The following XRCC1 variants were observed in gnomAD, a reference collection of about 807,000 sequenced individuals.
XRCC1 encodes the protein X-ray repair cross complementing 1, also known as DNA repair protein XRCC1.
In XRCC1, 52 loss-of-function variants were observed where a neutral mutation model predicts 83.3. The ratio of observed to expected loss-of-function variants is 0.62; its 90% CI spans 0.50 to 0.79. The LOEUF (loss-of-function observed/expected upper bound fraction) is 0.79. Among genes scored for constraint, XRCC1 ranks in the 30% least tolerant of loss-of-function variants. The pLI is 0.00. For synonymous variants in XRCC1, 281 were observed against 312.6 expected (o/e 0.90, Z 1.07); for missense variants, 793 against 823.5 (o/e 0.96, Z 0.45).
chr19:43,561,056 C>T, intron 2 of XRCC1, 36 bp from the exon 3 acceptor site: 4 of 1,524,158 alleles, frequency 2.6e-6, no homozygotes, highest in Non-Finnish European at 3.6e-6. Context: ...TCAGTGCCTG[C>T]TCTGCCTCTG....
chr19:43,557,589 A>G (rs928774997), intron 3 of XRCC1, among the ~76,000 whole-genome samples: 3 of 151,938 alleles, frequency 2.0e-5, no homozygotes, highest in Non-Finnish European at 2.9e-5. Context: ...GGGAAGCTGC[A>G]TTTATCATCT....
chr19:43,559,891 G>A (rs1276031040), intron 3 of XRCC1, among the ~76,000 whole-genome samples: 1 of 151,652 alleles, frequency 6.6e-6, no homozygotes, highest in Non-Finnish European at 1.5e-5. Flanking sequence ...ACCAGCCTGG[G>A]CAACACAGTG....
At chr19:43,556,790 A>T (rs1193947790) in intron 3 of XRCC1, among the ~76,000 whole-genome samples, 1 of 151,640 alleles carries the variant, frequency 6.6e-6, no homozygotes, top group African/African-American at 2.4e-5. Flanking sequence ...GGTGGACAAG[A>T]GGCCAGGAGT....
chr19:43,551,979 G>A, intron 9 of XRCC1, 38 bp downstream of exon 9: 2 of 1,606,968 alleles, frequency 1.2e-6, no homozygotes, highest in Admixed American at 1.7e-5. Flanking sequence ...AGCTGGGGGA[G>A]AAACTGCAGC....
intron 10 of XRCC1, among the ~76,000 whole-genome samples, chr19:43,548,779 A>AAAAAAAACAAAAAAAC (rs1555768469): frequency 2.0e-4 from 28 of 141,740 alleles, no homozygotes; most frequent in African/African-American, 6.1e-4. Flanking sequence ...AAAAAAAAAA[A>AAAAAAAACAAAAAAAC]AAAAAAACAC....
chr19:43,552,093 A>G lies in XRCC1; in HGVS notation c.1006T>C (p.Ser336Pro), dbSNP rs867511814. The change falls in exon 9 of 17, where the codon TCC becomes CCC. Residue 336 changes from serine (S) to proline (P), a missense_variant. Physicochemically the swap from Ser to Pro is moderately conservative, Grantham distance 74. Transcript: ENST00000262887. ...TCTAGGGCCTTATCTCGCAGCTCGG[A>G]GCGGAAGGGGTTCTGGAAGCCACTC... is the stretch of plus-strand genomic sequence containing the variant. ...VLSGFQNPFR[S>P]ELRDKALELG... The G allele has an allele frequency of 1.9e-6, 3 of 1,613,980 alleles. No individual in the cohort carries two copies. Among genetic ancestry groups the G allele is most frequent in the South Asian group, 1.1e-5 (1 of 91,072 alleles).
intron 10 of XRCC1, among the ~76,000 whole-genome samples, chr19:43,549,737 T>C (rs3213378): frequency 0.055 from 8,330 of 150,142 alleles, 313 homozygotes; most frequent in East Asian, 0.12. Flanking sequence ...TTTTCATGTT[T>C]TGTAGGGATG....
chr19:43,562,437 T>C (rs1224700110), intron 2 of XRCC1, among the ~76,000 whole-genome samples: 1 of 145,238 alleles, frequency 6.9e-6, no homozygotes, highest in African/African-American at 2.6e-5. Flanking sequence ...AAAGGGAAGA[T>C]GGTCATTAAC....
At chr19:43,550,255 C>T (rs1972561957) in intron 10 of XRCC1, among the ~76,000 whole-genome samples, 1 of 150,080 alleles carries the variant, frequency 6.7e-6, no homozygotes, top group Non-Finnish European at 1.5e-5. Flanking sequence ...AATATTTCTG[C>T]AGTTAAGACC....
intron 10 of XRCC1, among the ~76,000 whole-genome samples, chr19:43,548,641 G>A (rs1166410224): frequency 6.6e-6 from 1 of 152,088 alleles, no homozygotes; most frequent in Non-Finnish European, 1.5e-5. Context: ...ACTGCGGAAG[G>A]CCGCAGGGTC....
At chr19:43,561,068 G>T in intron 2 of XRCC1, 48 bp from the exon 3 acceptor site, 2 of 1,453,452 alleles carry the variant, frequency 1.4e-6, no homozygotes, top group Non-Finnish European at 1.9e-6. Context: ...CTGCCTCTGG[G>T]CTCACTGTGG....
Position 43,552,211 on chromosome 19 carries a change from T to C in XRCC1, c.888A>G (p.Thr296=). Residue 296 remains threonine, a synonymous_variant, in exon 9 of 17, where the codon ACA becomes ACG. Transcript: ENST00000262887. ...PVPARAQGAV[T]GKPRGEGTEP... is the part of the protein sequence containing the mutation. ...CGGTGCCTTCTCCTCGGGGTTTGCC[T>C]GTCACTGCCCCCTGTGCTCGGGCAG... is the stretch of plus-strand genomic sequence containing the variant. The C allele has an allele frequency of 6.2e-7, 1 of 1,613,820 alleles. No individual in the cohort carries two copies. The highest frequency in any genetic ancestry group is 1.3e-5 in the African/African-American group (1 of 75,002).
intron 2 of XRCC1, among the ~76,000 whole-genome samples, chr19:43,565,646 A>C (rs1972744742): frequency 6.6e-6 from 1 of 152,248 alleles, no homozygotes; most frequent in Non-Finnish European, 1.5e-5. Flanking sequence ...GTATATAAAA[A>C]AAGTCCTGGC....
At chr19:43,565,902 C>T (rs1303958546) in intron 2 of XRCC1, among the ~76,000 whole-genome samples, 3 of 152,012 alleles carry the variant, frequency 2.0e-5, no homozygotes, top group African/African-American at 4.8e-5. Flanking sequence ...CGAGCCACTA[C>T]ACCCCAGCCT....
rs1972486200 is a variant in XRCC1 at position 43,544,252 on chromosome 19, G to C, written c.1622-18C>G. On this transcript the variant is annotated intron_variant, in intron 14 of 16. Transcript: ENST00000262887. ...GAAGAAATCTGCAGGAGAGAAGGGG[G>C]CTAAGGTAAGCATGAGGCCCCAGGA... 2.5e-6 allele frequency: 4 copies of C among 1,591,946 alleles called. No homozygotes were observed. In the African/African-American group the frequency reaches 4.0e-5, roughly 16 times the overall value.
rs374553812 is a variant in XRCC1 at position 43,546,084 on chromosome 19, T to C, written c.1449A>G (p.Glu483=). ...GCTCATCCTCTGTGTCCCCAGAATC[T>C]TCCGCCCCATTGTCCTGTCCTTCTG... ...VQSEGQDNGA[E]DSGDTEDELR... is the part of the protein sequence containing the mutation. The change falls in exon 13 of 17, where the codon GAA becomes GAG. Residue 483 remains glutamate, a synonymous_variant. Coordinates refer to ENST00000262887, the MANE Select transcript of XRCC1 (RefSeq NM_006297.3). 2.4e-5 allele frequency: 38 copies of C among 1,612,066 alleles called. No individual in the cohort carries two copies. The highest frequency in any genetic ancestry group is 3.1e-5 in the Non-Finnish European group (37 of 1,179,556).
intron 9 of XRCC1, 60 bp downstream of exon 9, chr19:43,551,957 G>A (rs1364137617): frequency 1.0e-4 from 163 of 1,570,586 alleles, no homozygotes; most frequent in Non-Finnish European, 1.4e-4. Context: ...ACAAGGTGGA[G>A]GAGACACAGG....
chr19:43,558,263 A>G (rs1264593733), intron 3 of XRCC1, among the ~76,000 whole-genome samples: 1 of 152,066 alleles, frequency 6.6e-6, no homozygotes, highest in Non-Finnish European at 1.5e-5. Flanking sequence ...TGAACCCGGG[A>G]GGACAAGGCT....
rs1405367323 is a variant in XRCC1 at position 43,554,654 on chromosome 19, A to G, written c.406T>C (p.Tyr136His). Residue 136 changes from tyrosine to histidine, a missense_variant, in exon 4 of 17, where the codon TAC (tyrosine) becomes CAC (histidine). Physicochemically the swap from Tyr to His is moderately conservative, Grantham distance 83. Transcript: ENST00000262887. ...GCTCCCACCCTAGGTACCTTGCTGTAGGGCTGGCTGCAAACAATTTTGACC... is the reference window on the plus strand; with the variant it reads ...GCTCCCACCCTAGGTACCTTGCTGTGGGGCTGGCTGCAAACAATTTTGACC... ...DRVKIVCSQP[Y>H]SKDSPFGLSF... 4 of 1,611,764 alleles carry G rather than the reference A, an allele frequency of 2.5e-6. No individual in the cohort carries two copies. In the South Asian group the frequency reaches 4.4e-5, roughly 18 times the overall value.
Sources: allele counts gnomAD v4.1 joint callset (sites outside exome capture counted in the v4.1 genomes callset), GRCh38; gene constraint gnomAD v4.1.1; transcripts MANE v1.5; gene names NCBI Gene and HGNC (gene_info 2026-07-23, HGNC 2026-07-21).